NOX4: variants seen among roughly 807,000 people sequenced by gnomAD.
NOX4 encodes NADPH oxidase 4.
NOX4 carries 69 observed loss-of-function variants against 87.6 expected under a neutral mutation model. The observed-to-expected ratio is 0.79, with a 90% confidence interval of 0.65 to 0.96. The LOEUF (loss-of-function observed/expected upper bound fraction) is 0.96. Ranked by LOEUF, NOX4 falls within the 40% of genes least tolerant of loss-of-function variation. The pLI is 0.00. For missense variants in NOX4, 680 were observed against 681.5 expected (o/e 1.00, Z 0.02); for synonymous variants, 275 against 238.2 (o/e 1.15, Z -1.42).
intron 14 of NOX4, among the ~76,000 whole-genome samples, chr11:89,340,612 T>C (rs1277065728): frequency 6.6e-6 from 1 of 152,216 alleles, no homozygotes; most frequent in Non-Finnish European, 1.5e-5. Flanking sequence ...CCTGGCTTTT[T>C]GGCAAAATGA....
At chr11:89,517,304 G>GAGTTTTTAAGTTCATCA in the NOX4 span, among the ~76,000 whole-genome samples, 1 of 152,030 alleles carries the variant, frequency 6.6e-6, no homozygotes, top group South Asian at 2.1e-4. Context: ...CTGGATTATC[G>GAGTTTTTAAGTTCATCA]AGTTTTTAAG....
the NOX4 span, among the ~76,000 whole-genome samples, chr11:89,538,671 T>C: frequency 6.6e-6 from 1 of 152,106 alleles, no homozygotes; most frequent in African/African-American, 2.4e-5. Context: ...TATTACTAAG[T>C]AATAAATTTC....
chr11:89,381,745 A>G (rs948246685), intron 11 of NOX4, among the ~76,000 whole-genome samples: 1 of 152,174 alleles, frequency 6.6e-6, no homozygotes, highest in Non-Finnish European at 1.5e-5. Flanking sequence ...TCTTTGCTCC[A>G]TGAGAAAGAT....
the NOX4 span, among the ~76,000 whole-genome samples, chr11:89,544,633 G>A: frequency 6.6e-6 from 1 of 152,064 alleles, no homozygotes; most frequent in African/African-American, 2.4e-5. Flanking sequence ...TACCTAAGAA[G>A]TTTTAGAAAA....
the NOX4 span, among the ~76,000 whole-genome samples, chr11:89,542,319 G>C: frequency 6.6e-6 from 1 of 152,050 alleles, no homozygotes; most frequent in Non-Finnish European, 1.5e-5. Flanking sequence ...TCTAATATTT[G>C]TCTGGCTTTT....
rs567386031 is a variant in NOX4, at chr11:89,461,248, T to G, written c.154-9353A>C. Reference sequence around the variant, plus strand: ...GGGTGCAGCACACCAACATGGCACATGTACACATATGTAACAAACCTGCAC... The same window carrying G: ...GGGTGCAGCACACCAACATGGCACAGGTACACATATGTAACAAACCTGCAC... On this transcript the variant is annotated intron_variant, in intron 2 of 17. Transcript: ENST00000263317. 6.1e-3 allele frequency among the ~76,000 whole-genome samples: 923 copies of G among 152,004 alleles called. 9 individuals are homozygous for G. The highest frequency in any genetic ancestry group is 0.021 in the African/African-American group (865 of 41,442).
intron 11 of NOX4, among the ~76,000 whole-genome samples, chr11:89,382,606 G>A (rs1445398087): frequency 1.3e-5 from 2 of 151,360 alleles, no homozygotes; most frequent in Admixed American, 6.6e-5. Flanking sequence ...CTTTTCTACC[G>A]ACCCATCTGA....
intron 2 of NOX4, among the ~76,000 whole-genome samples, chr11:89,477,010 T>C (rs1384126254): frequency 2.0e-5 from 3 of 152,202 alleles, no homozygotes; most frequent in Non-Finnish European, 2.9e-5. Context: ...TCAACCTTTT[T>C]GGCACCAGGG....
chr11:89,396,269 G>A (rs1021243522), intron 11 of NOX4, among the ~76,000 whole-genome samples: 4 of 152,198 alleles, frequency 2.6e-5, no homozygotes, highest in Middle Eastern at 3.4e-3. Context: ...TGAAGCAATT[G>A]TGAATGGGAG....
At chr11:89,583,830 C>A in the NOX4 span, among the ~76,000 whole-genome samples, 38,871 of 151,902 alleles carry the variant, frequency 0.26, 5,733 homozygotes, top group Middle Eastern at 0.38. Flanking sequence ...TCTTTGTTTA[C>A]CCAGGACTAC....
intron 12 of NOX4, among the ~76,000 whole-genome samples, chr11:89,363,309 T>A (rs1421912583): frequency 6.6e-6 from 1 of 152,080 alleles, no homozygotes; most frequent in Non-Finnish European, 1.5e-5. Context: ...GATAGAAAAT[T>A]TAGAATTGAA....
At chr11:89,327,974 G>T (rs937988889) in intron 17 of NOX4, among the ~76,000 whole-genome samples, 3 of 152,150 alleles carry the variant, frequency 2.0e-5, no homozygotes, top group African/African-American at 7.2e-5. Flanking sequence ...TGAGAAAAGG[G>T]AAGAAAACAA....
At chr11:89,469,585 C>T (rs1231790164) in intron 2 of NOX4, among the ~76,000 whole-genome samples, 1 of 152,154 alleles carries the variant, frequency 6.6e-6, no homozygotes, top group Non-Finnish European at 1.5e-5. Flanking sequence ...CCAGTTCAAC[C>T]TTCTTTTTGC....
chr11:89,561,015 T>TATTATATATATATATATATACAC, the NOX4 span, among the ~76,000 whole-genome samples: 4 of 80,532 alleles, frequency 5.0e-5, no homozygotes, highest in African/African-American at 1.8e-4. Context: ...TATATATATA[T>TATTATATATATATATATATACAC]ATATACATAC....
intron 12 of NOX4, among the ~76,000 whole-genome samples, chr11:89,364,737 T>C (rs1307498495): frequency 6.6e-6 from 1 of 152,156 alleles, no homozygotes; most frequent in Non-Finnish European, 1.5e-5. Context: ...TTATCTACTA[T>C]CATTCACACA....
intron 6 of NOX4, among the ~76,000 whole-genome samples, chr11:89,433,259 A>C (rs1211660746): frequency 2.0e-5 from 3 of 152,104 alleles, no homozygotes; most frequent in Admixed American, 6.6e-5. Flanking sequence ...GGTACAGAAC[A>C]CCAGAACTTA....
chr11:89,541,862 C>G, the NOX4 span, among the ~76,000 whole-genome samples: 7 of 152,290 alleles, frequency 4.6e-5, 1 homozygote, highest in Admixed American at 4.6e-4. Context: ...CTATGTCACC[C>G]AGGCTAGAAT....
intron 12 of NOX4, among the ~76,000 whole-genome samples, chr11:89,355,418 C>T (rs1429071566): frequency 1.3e-5 from 2 of 149,000 alleles, no homozygotes; most frequent in Admixed American, 1.3e-4. Flanking sequence ...TACATTTCTA[C>T]ATATAGATAT....
At chr11:89,461,672 G>T (rs372348495) in intron 2 of NOX4, among the ~76,000 whole-genome samples, 1 of 48,054 alleles carries the variant, frequency 2.1e-5, no homozygotes, top group East Asian at 8.1e-4. Context: ...ATAAATAAGA[G>T]AAGAAAATAT....
Sources: allele counts gnomAD v4.1 joint callset (sites outside exome capture counted in the v4.1 genomes callset), GRCh38; gene constraint gnomAD v4.1.1; transcripts MANE v1.5; gene names NCBI Gene and HGNC (gene_info 2026-07-23, HGNC 2026-07-21).